Variants in CYYR1 observed in about 807,000 individuals in gnomAD.
The protein encoded by CYYR1 is cysteine and tyrosine rich 1.
A neutral mutation model predicts 15.2 loss-of-function variants in CYYR1; 14 were observed. The ratio of observed to expected loss-of-function variants is 0.92; its 90% CI spans 0.61 to 1.44. The LOEUF (loss-of-function observed/expected upper bound fraction) is 1.44. CYYR1 is among the 40% of genes most tolerant of loss of function. The pLI is 0.00. For missense variants in CYYR1, 228 were observed against 209.5 expected (o/e 1.09, Z -0.54); for synonymous variants, 80 against 77.4 (o/e 1.03, Z -0.18).
intron 1 of CYYR1, among the ~76,000 whole-genome samples, chr21:26,569,830 T>G (rs1256153218): frequency 6.6e-6 from 1 of 152,208 alleles, no homozygotes; most frequent in East Asian, 1.9e-4. Flanking sequence ...TATCAAAATA[T>G]TTTGAGCCAA....
intron 2 of CYYR1, among the ~76,000 whole-genome samples, chr21:26,513,033 AC>A (rs2065671756): frequency 6.6e-6 from 1 of 152,106 alleles, no homozygotes; most frequent in Non-Finnish European, 1.5e-5. Flanking sequence ...GTTATCATTT[AC>A]CTACCTCTGT....
At chr21:26,572,617 G>T (rs748884240) in intron 1 of CYYR1, among the ~76,000 whole-genome samples, 1 of 152,184 alleles carries the variant, frequency 6.6e-6, no homozygotes, top group Non-Finnish European at 1.5e-5. Flanking sequence ...ACACGAGACT[G>T]CTATTTCCAA....
chr21:26,565,334 T>G (rs1980536656), intron 2 of CYYR1, among the ~76,000 whole-genome samples: 1 of 152,190 alleles, frequency 6.6e-6, no homozygotes, highest in African/African-American at 2.4e-5. Context: ...TAGCGCCTAA[T>G]GTTTCCCGTT....
intron 2 of CYYR1, among the ~76,000 whole-genome samples, chr21:26,505,655 A>G (rs1413155719): frequency 6.6e-6 from 1 of 152,228 alleles, no homozygotes; most frequent in Non-Finnish European, 1.5e-5. Context: ...AGCCAATATA[A>G]TCATAAAGTT....
intron 2 of CYYR1, among the ~76,000 whole-genome samples, chr21:26,552,339 G>GCATGGTA (rs1482926604): frequency 6.6e-6 from 1 of 152,040 alleles, no homozygotes. Context: ...GTTAATATTT[G>GCATGGTA]CATGGTATAT....
intron 3 of CYYR1, chr21:26,470,984 C>G (rs1025897329): frequency 6.6e-6 from 1 of 152,182 alleles, no homozygotes; most frequent in African/African-American, 2.4e-5. Context: ...AATACATCAG[C>G]GAGGATGCAT....
intron 3 of CYYR1, among the ~76,000 whole-genome samples, chr21:26,469,956 G>C (rs1046244317): frequency 6.6e-6 from 1 of 152,018 alleles, no homozygotes; most frequent in Admixed American, 6.6e-5. Flanking sequence ...TGCAACATCT[G>C]AGCAACTCCC....
At chr21:26,475,506 C>T (rs2065090972) in intron 3 of CYYR1, among the ~76,000 whole-genome samples, 1 of 152,048 alleles carries the variant, frequency 6.6e-6, no homozygotes, top group Admixed American at 6.6e-5. Context: ...TCCAACAATC[C>T]CTTCTATCTT....
chr21:26,545,136 CT>C (rs890610352), intron 2 of CYYR1, among the ~76,000 whole-genome samples: 9 of 151,680 alleles, frequency 5.9e-5, no homozygotes, highest in African/African-American at 2.2e-4. Flanking sequence ...AAACATATTA[CT>C]TTTTTATTGA....
intron 2 of CYYR1, among the ~76,000 whole-genome samples, chr21:26,544,886 C>T (rs549202835): frequency 1.8e-4 from 27 of 151,950 alleles, no homozygotes; most frequent in South Asian, 4.2e-4. Flanking sequence ...CCAGCCTGGG[C>T]AAAGAAACTG....
intron 2 of CYYR1, among the ~76,000 whole-genome samples, chr21:26,533,294 G>A (rs1168695540): frequency 6.6e-6 from 1 of 151,100 alleles, no homozygotes; most frequent in East Asian, 1.9e-4. Context: ...TTGGCTTACG[G>A]AATTATGAGG....
At chr21:26,515,068 T>C (rs2065706853) in intron 2 of CYYR1, among the ~76,000 whole-genome samples, 1 of 152,232 alleles carries the variant, frequency 6.6e-6, no homozygotes, top group African/African-American at 2.4e-5. Flanking sequence ...CTTTTGTCTC[T>C]TTTATCACTG....
chr21:26,566,466 C>G lies in CYYR1; in HGVS notation c.74-98G>C. On this transcript the variant is annotated intron_variant, in intron 1 of 3. Transcript: ENST00000652641. ...ACAACTTAATCAGCCAATGACCACCCTTTAGTGGTTTTAAATCTTCATTTT... is the reference window on the plus strand; with the variant it reads ...ACAACTTAATCAGCCAATGACCACCGTTTAGTGGTTTTAAATCTTCATTTT... 6.9e-6 allele frequency: 6 copies of G among 874,332 alleles called. No individual in the cohort carries two copies. In the South Asian group the frequency reaches 9.3e-5, roughly 14 times the overall value. 54.2% of individuals were successfully genotyped at this position (874,332 alleles called of 1,614,324 possible). A position where few individuals can be genotyped will look rare whatever the true frequency, so the allele number is the denominator to read the frequency against.
intron 3 of CYYR1, among the ~76,000 whole-genome samples, chr21:26,477,396 C>T (rs2065118742): frequency 6.6e-6 from 1 of 152,146 alleles, no homozygotes; most frequent in African/African-American, 2.4e-5. Context: ...ATGTTTTCAG[C>T]ATGAGGTTCA....
intron 2 of CYYR1, among the ~76,000 whole-genome samples, chr21:26,549,871 G>A (rs570033917): frequency 1.3e-5 from 2 of 152,286 alleles, no homozygotes; most frequent in South Asian, 4.1e-4. Context: ...TACCCTCCGT[G>A]TAAGTCAGTA....
At chr21:26,509,925 C>T (rs1220874406) in intron 2 of CYYR1, among the ~76,000 whole-genome samples, 1 of 152,102 alleles carries the variant, frequency 6.6e-6, no homozygotes, top group African/African-American at 2.4e-5. Context: ...GGTGAGCACT[C>T]CTCAGGTTTA....
intron 2 of CYYR1, among the ~76,000 whole-genome samples, chr21:26,511,949 T>C (rs1445604919): frequency 6.6e-6 from 1 of 151,908 alleles, no homozygotes; most frequent in East Asian, 1.9e-4. Flanking sequence ...TGTCACTTTC[T>C]ACATGGCAGT....
chr21:26,537,487 G>T (rs1978315136), intron 2 of CYYR1, among the ~76,000 whole-genome samples: 1 of 152,144 alleles, frequency 6.6e-6, no homozygotes, highest in African/African-American at 2.4e-5. Context: ...TGGCTAGGCA[G>T]AAAGGGAGCT....
chr21:26,563,442 C>T (rs954099197), intron 2 of CYYR1, among the ~76,000 whole-genome samples: 2 of 151,970 alleles, frequency 1.3e-5, no homozygotes, highest in African/African-American at 4.8e-5. Context: ...CATGGTGGTG[C>T]CTGCCTGTAA....
Sources: allele counts gnomAD v4.1 joint callset (sites outside exome capture counted in the v4.1 genomes callset), GRCh38; gene constraint gnomAD v4.1.1; transcripts MANE v1.5; gene names NCBI Gene and HGNC (gene_info 2026-07-23, HGNC 2026-07-21).